CELF2: variants seen among roughly 807,000 people sequenced by gnomAD.
The protein encoded by CELF2 is CUG triplet repeat RNA-binding protein 2.
In CELF2, 8 loss-of-function variants were observed where a neutral mutation model predicts 62.6. That is an observed-to-expected ratio of 0.13 (90% CI 0.07 to 0.23). The LOEUF is 0.23. CELF2 is among the 10% of genes least tolerant of loss of function. The pLI, the probability that CELF2 is intolerant of heterozygous loss-of-function variation, is 1.00. For missense variants in CELF2, 333 were observed against 671.0 expected (o/e 0.50, Z 5.56); for synonymous variants, 258 against 250.0 (o/e 1.03, Z -0.30).
chr10:10,987,437 G>C (rs761939981), intron 2 of CELF2, among the ~76,000 whole-genome samples: 1 of 151,980 alleles, frequency 6.6e-6, no homozygotes, highest in African/African-American at 2.4e-5. Context: ...TCACAACAGC[G>C]CTGTATTAAA....
At chr10:10,647,304 T>G in the CELF2 span, among the ~76,000 whole-genome samples, 1 of 152,166 alleles carries the variant, frequency 6.6e-6, no homozygotes, top group South Asian at 2.1e-4. Context: ...TGCGATTTCC[T>G]GTCCTTTGAA....
chr10:11,132,447 A>G (rs1032290306), intron 1 of CELF2, among the ~76,000 whole-genome samples: 5 of 152,228 alleles, frequency 3.3e-5, no homozygotes, highest in Admixed American at 1.3e-4. Context: ...AATTAGCTCA[A>G]GAGCACAACC....
intron 4 of CELF2, among the ~76,000 whole-genome samples, chr10:11,253,667 T>A (rs1380686583): frequency 2.0e-5 from 3 of 152,198 alleles, no homozygotes; most frequent in South Asian, 2.1e-4. Context: ...ATTTTTTTTT[T>A]AAATGAAGTT....
At chr10:10,958,673 T>C (rs1039031347) in intron 2 of CELF2, among the ~76,000 whole-genome samples, 2 of 151,800 alleles carry the variant, frequency 1.3e-5, no homozygotes, top group African/African-American at 4.8e-5. Flanking sequence ...ACAAGACTCA[T>C]CTCTAGAAAA....
chr10:11,165,041 G>A lies in CELF2; in HGVS notation c.75-445G>A. On this transcript the variant is annotated intron_variant, in intron 1 of 12. Transcript: ENST00000633077. This position sits in a 1 kb window ranked among gnomAD's most constrained non-coding sequence, Gnocchi z 7.4. The stretch of plus-strand genomic sequence containing the variant: ...CCAAAAACCTCCCAAAAAGGGCGGT[G>A]GGGCGGGGGGCGGGGCAGGGAGAGG... 1.4e-5 allele frequency: 8 copies of A among 568,834 alleles called. No individual in the cohort carries two copies. The highest frequency in any genetic ancestry group is 1.8e-5 in the Non-Finnish European group (8 of 452,294). The allele number at this position is 568,834 out of a possible 1,614,324, so 35.2% of individuals were successfully genotyped here. A position where few individuals can be genotyped will look rare whatever the true frequency, so the allele number is the denominator to read the frequency against.
At chr10:10,906,603 G>C (rs1278150175) in intron 1 of CELF2, among the ~76,000 whole-genome samples, 2 of 151,980 alleles carry the variant, frequency 1.3e-5, no homozygotes, top group African/African-American at 2.4e-5. Flanking sequence ...AATCCAGGGG[G>C]TTCTTAGTTT....
At chr10:11,183,708 C>A (rs1328022839) in intron 2 of CELF2, among the ~76,000 whole-genome samples, 1 of 152,166 alleles carries the variant, frequency 6.6e-6, no homozygotes, top group Non-Finnish European at 1.5e-5. Context: ...TGCTGAGCAT[C>A]TTTTGATATG....
At chr10:11,199,193 A>G (rs1337923725) in intron 2 of CELF2, among the ~76,000 whole-genome samples, 3 of 152,214 alleles carry the variant, frequency 2.0e-5, no homozygotes, top group Non-Finnish European at 2.9e-5. Flanking sequence ...AACATCTTTA[A>G]TTGGAGACTT....
Position 11,237,294 on chromosome 10 carries a change from G to A in CELF2, c.355-11859G>A, listed in dbSNP as rs1256634980. Among the ~76,000 whole-genome samples the A allele has an allele frequency of 6.6e-6, 1 of 152,196 alleles. No individual in the cohort carries two copies. Among genetic ancestry groups the A allele is most frequent in the Non-Finnish European group, 1.5e-5 (1 of 68,038 alleles). On this transcript the variant is annotated intron_variant, in intron 3 of 12. Transcript: ENST00000633077. The surrounding 1 kb of genome is among the most constrained non-coding windows in gnomAD (Gnocchi z 4.0). ...CCAGAGTGTTAGGTGAGAGGTCTGA[G>A]AAGCTGGAAGAGCTGCCCCCATCCC...
chr10:10,501,035 T>C, the CELF2 span, among the ~76,000 whole-genome samples: 1 of 152,364 alleles, frequency 6.6e-6, no homozygotes, highest in South Asian at 2.1e-4. Flanking sequence ...GACAAACATC[T>C]GAGTGGTTTC....
intron 1 of CELF2, among the ~76,000 whole-genome samples, chr10:11,085,798 A>G (rs2046544434): frequency 6.6e-6 from 1 of 152,214 alleles, no homozygotes; most frequent in Admixed American, 6.5e-5. Flanking sequence ...CAGTTAATAA[A>G]ACAGACTGCA....
chr10:10,855,583 C>G (rs569925203), intron 1 of CELF2, among the ~76,000 whole-genome samples: 1 of 152,218 alleles, frequency 6.6e-6, no homozygotes, highest in African/African-American at 2.4e-5. Flanking sequence ...ATTTTACAGC[C>G]TGTTTCTGAC....
chr10:10,562,726 C>T, the CELF2 span, among the ~76,000 whole-genome samples: 1 of 144,608 alleles, frequency 6.9e-6, no homozygotes, highest in Non-Finnish European at 1.5e-5. Context: ...CTCTGTCTTC[C>T]CTTCCTCTTC....
At chr10:10,850,308 A>G (rs1210767452) in intron 1 of CELF2, among the ~76,000 whole-genome samples, 1 of 152,230 alleles carries the variant, frequency 6.6e-6, no homozygotes, top group African/African-American at 2.4e-5. Flanking sequence ...TTTCTCCAGT[A>G]AGAAGATGAT....
chr10:11,225,945 A>G (rs1460179275), intron 3 of CELF2, among the ~76,000 whole-genome samples: 2 of 152,196 alleles, frequency 1.3e-5, no homozygotes, highest in African/African-American at 2.4e-5. Flanking sequence ...GATTAAATTA[A>G]CTTCTCTGAC....
chr10:10,988,309 A>C lies in CELF2; in HGVS notation c.89+68310A>C, dbSNP rs143854091. 7.2e-4 allele frequency among the ~76,000 whole-genome samples: 109 copies of C among 152,030 alleles called. 1 individual carries two copies. Among genetic ancestry groups the C allele is most frequent in the Non-Finnish European group, 8.1e-4 (55 of 67,952 alleles). On this transcript the variant is annotated intron_variant, in intron 2 of 13. Transcript: ENST00000636488. ...TATATATATATAGAGAGAGAGAGAGAGAGAGCATGGAATACTATTCAGCCA... is the reference window on the plus strand; with the variant it reads ...TATATATATATAGAGAGAGAGAGAGCGAGAGCATGGAATACTATTCAGCCA...
chr10:10,733,509 G>A, the CELF2 span, among the ~76,000 whole-genome samples: 1 of 152,020 alleles, frequency 6.6e-6, no homozygotes, highest in Non-Finnish European at 1.5e-5. Flanking sequence ...CAAGTTTCAT[G>A]GGGCCTGTAT....
the CELF2 span, among the ~76,000 whole-genome samples, chr10:10,783,495 G>A: frequency 7.9e-4 from 120 of 152,282 alleles, 2 homozygotes; most frequent in Middle Eastern, 3.4e-3. Context: ...CCGACACCAT[G>A]ATCTTAGACT....
the CELF2 span, among the ~76,000 whole-genome samples, chr10:10,610,491 A>G: frequency 6.6e-6 from 1 of 152,210 alleles, no homozygotes; most frequent in Non-Finnish European, 1.5e-5. Flanking sequence ...TTTAGAAGTG[A>G]CATGTTTGAT....
Sources: gnomAD v4.1 joint callset for allele counts (sites outside exome capture counted in the v4.1 genomes callset) on GRCh38, gnomAD v4.1.1 for gene constraint, Gnocchi (gnomAD v3.1) non-coding constraint, MANE v1.5 for transcripts, NCBI Gene and HGNC (gene_info 2026-07-23, HGNC 2026-07-21) for gene names.